Variants in ABCC6 observed in about 807,000 individuals in gnomAD.
The protein encoded by ABCC6 is ATP-binding cassette sub-family C member 6.
A neutral mutation model predicts 169.5 loss-of-function variants in ABCC6; 126 were observed. The observed-to-expected ratio is 0.74, with a 90% CI of 0.64 to 0.86. The LOEUF (loss-of-function observed/expected upper bound fraction) is 0.86. Ranked by LOEUF, ABCC6 falls within the 40% of genes least tolerant of loss-of-function variation. The probability of loss-of-function intolerance (pLI) is 0.00; values close to 1 mark genes in which losing one functional copy is unlikely to be tolerated. For missense variants in ABCC6, 1,733 were observed against 1,927.2 expected (o/e 0.90, Z 1.89); for synonymous variants, 752 against 814.7 (o/e 0.92, Z 1.31).
intron 29 of ABCC6, among the ~76,000 whole-genome samples, chr16:16,151,867 T>G (rs2046393350): frequency 6.6e-6 from 1 of 151,976 alleles, no homozygotes; most frequent in African/African-American, 2.4e-5. Context: ...AATGGATCCG[T>G]CCTCGCTGAA....
chr16:16,210,865 G>T (rs2048587409), intron 6 of ABCC6, among the ~76,000 whole-genome samples: 1 of 152,144 alleles, frequency 6.6e-6, no homozygotes, highest in Admixed American at 6.6e-5. Flanking sequence ...AGGTCGAGTG[G>T]GGTAGATCAC....
rs2046351649 is a variant in ABCC6 at position 16,150,337 on chromosome 16, A to T, written c.4404-96T>A. The T allele has an allele frequency of 1.9e-6, 3 of 1,580,446 alleles. No individual in the cohort carries two copies. In the East Asian group the frequency reaches 6.9e-5, roughly 36 times the overall value. On this transcript the variant is annotated intron_variant, in intron 30 of 30. Coordinates refer to ENST00000205557, the MANE Select transcript of ABCC6 (RefSeq NM_001171.6). ...GTGTGTCTGCGCTGAGGTTTTCTCC[A>T]TAGAAGTCCTGCTTTCCATGCGGCT...
chr16:16,163,233 G>A (rs2152224816), intron 23 of ABCC6, 41 bp from the exon 24 acceptor site: 4 of 1,589,302 alleles, frequency 2.5e-6, no homozygotes, highest in Non-Finnish European at 3.4e-6. Context: ...AGAAGCCACA[G>A]ACATAGAGAG....
At chr16:16,189,036 T>G in intron 12 of ABCC6, 62 bp from the exon 13 acceptor site, 9 of 1,590,778 alleles carry the variant, frequency 5.7e-6, no homozygotes, top group Non-Finnish European at 6.9e-6. Context: ...TAGGGCAGCC[T>G]GGGCAAGCTG....
rs976321025 is a variant in ABCC6, at chr16:16,197,308, A to T, written c.1338+713T>A. ...CTACAGAGGAAACTGAGGCCCAGAG[A>T]GGGTGAACTTCCTGCCCAAGGTCAA... On this transcript the variant is annotated intron_variant, in intron 10 of 30. Coordinates refer to ENST00000205557, the MANE Select transcript of ABCC6 (RefSeq NM_001171.6). Among the ~76,000 whole-genome samples, 4 of 152,080 alleles carry T rather than the reference A, an allele frequency of 2.6e-5. No individual in the cohort carries two copies. The South Asian group carries it at 8.3e-4, about 31-fold the overall frequency.
At position 16,189,101 on chromosome 16, in the gene ABCC6, C is replaced by T. The variant is rs570629181; in HGVS notation, c.1636-127G>A. The T allele has an allele frequency of 4.8e-5, 52 of 1,087,078 alleles. No homozygotes were observed. In the African/African-American group the frequency reaches 6.1e-4, roughly 13 times the overall value. The allele number at this position is 1,087,078 out of a possible 1,614,324, so 67.3% of individuals were successfully genotyped here. On this transcript the variant is annotated intron_variant, in intron 12 of 30. Transcript: ENST00000205557. ...CGCCATGTCCGCATGTGCTTCCCTC[C>T]GTAGATCCCACTCCCAGTCCTGCTA...
Position 16,173,290 on chromosome 16 carries a change from G to A in ABCC6, c.2781C>T (p.Tyr927=), listed in dbSNP as rs61731973. The A allele has an allele frequency of 5.7e-4, 927 of 1,613,970 alleles. 3 individuals are homozygous for A. The highest frequency in any genetic ancestry group is 5.4e-3 in the African/African-American group (407 of 75,002). The part of the protein sequence containing the change: ...GWPAGKDSIQ[Y]GRVKATVHLA... ...GGGTGAAGCTGGTGGTTACCCTGCCGTATTGGATGCTGTCCTTTCCTGCTG... is the reference window on the plus strand; with the variant it reads ...GGGTGAAGCTGGTGGTTACCCTGCCATATTGGATGCTGTCCTTTCCTGCTG... Residue 927 remains tyrosine (Y), a synonymous_variant, in exon 21 of 31, where the codon TAC becomes TAT. Transcript: ENST00000205557.
chr16:16,178,878 G>T lies in ABCC6; in HGVS notation c.2335C>A (p.Pro779Thr), dbSNP rs1419792820. The T allele has an allele frequency of 2.5e-6, 4 of 1,613,906 alleles. No individual in the cohort carries two copies. The highest frequency in any genetic ancestry group is 3.3e-5 in the Admixed American group (2 of 60,020). Residue 779 changes from proline to threonine, a missense_variant, in exon 18 of 31, where the codon CCC (proline) becomes ACC (threonine). Around this residue, in one of 5 missense-constraint regions of ABCC6, gnomAD observed 1,601 missense variants for 1,635.5 expected, o/e 0.98. Coordinates refer to ENST00000205557, the MANE Select transcript of ABCC6 (RefSeq NM_001171.6). ...ACGTGGGCATCCAGGGCCGCCAGGGGGTCATCCAGCAGGTACACAGCTGCC... is the reference window on the plus strand; with the variant it reads ...ACGTGGGCATCCAGGGCCGCCAGGGTGTCATCCAGCAGGTACACAGCTGCC... ...RKAAVYLLDD[P>T]LAALDAHVGQ...
intron 17 of ABCC6, chr16:16,181,943 C>CA (rs559833336): frequency 3.9e-4 from 92 of 235,166 alleles, no homozygotes; most frequent in African/African-American, 2.0e-3. Context: ...CAAAACAAAA[C>CA]AAAAAACAAA....
At chr16:16,204,084 T>C (rs1596720658) in intron 7 of ABCC6, among the ~76,000 whole-genome samples, 1 of 151,442 alleles carries the variant, frequency 6.6e-6, no homozygotes, top group South Asian at 2.1e-4. Context: ...TGAGACGAAG[T>C]CTTGCTCTGT....
Position 16,203,492 on chromosome 16 carries a change from C to T in ABCC6, c.916G>A (p.Val306Met), listed in dbSNP as rs775152691. Residue 306 changes from valine to methionine, a missense_variant, in exon 8 of 31, where the codon GTG becomes ATG. Val to Met is a conservative substitution (Grantham distance 21). Coordinates refer to ENST00000205557, the MANE Select transcript of ABCC6 (RefSeq NM_001171.6). ...WRPLLKAIWQ[V>M]FHSTFLLGTL... ...CCCAGGAGGAAGGTAGAATGGAACA[C>T]CTGCCAGATGGCCTTCAGCAGTGGG... The T allele has an allele frequency of 3.1e-6, 5 of 1,614,006 alleles. No homozygotes were observed. Among genetic ancestry groups the T allele is most frequent in the South Asian group, 2.2e-5 (2 of 91,072 alleles).
chr16:16,149,838 T>C lies in ABCC6; in HGVS notation c.*295A>G. 1.9e-6 allele frequency: 1 copy of C among 514,980 alleles called. No individual in the cohort carries two copies. The highest frequency in any genetic ancestry group is 3.5e-6 in the Non-Finnish European group (1 of 281,816). 31.9% of individuals were successfully genotyped at this position (514,980 alleles called of 1,614,324 possible). Reference sequence around the variant, plus strand: ...CTAGCCGGGAGCCTGGGCATGTGCTTGAGGCCCCCAGGTGAGTCCAGAGTA... The same window carrying C: ...CTAGCCGGGAGCCTGGGCATGTGCTCGAGGCCCCCAGGTGAGTCCAGAGTA... On this transcript the variant is annotated 3_prime_UTR_variant, in exon 31 of 31. Transcript: ENST00000205557.
At position 16,175,927 on chromosome 16, in the gene ABCC6, C is replaced by T. The variant is rs138049574; in HGVS notation, c.2650G>A (p.Glu884Lys). Residue 884 changes from glutamate (E) to lysine (K), a missense_variant, in exon 20 of 31, where the codon GAG becomes AAG. Physicochemically the swap from Glu to Lys is moderately conservative, Grantham distance 56. This residue lies in a region of ABCC6 where 1,601 missense variants were observed against 1,635.5 expected (regional missense o/e 0.98). Transcript: ENST00000205557. ...TGGACTCACCTCTCGCGTCTAAGCT[C>T]GGGCCTCCTGCCTGCAGAGGTGCCT... Reference protein sequence around the residue: ...PRGTSAGRRPELRRERSIKSV... With the variant: ...PRGTSAGRRPKLRRERSIKSV... The T allele has an allele frequency of 3.0e-5, 48 of 1,613,982 alleles. No homozygotes were observed. The highest frequency in any genetic ancestry group is 3.5e-5 in the Non-Finnish European group (41 of 1,180,030).
intron 4 of ABCC6, among the ~76,000 whole-genome samples, chr16:16,217,518 T>C (rs2048922697): frequency 6.6e-6 from 1 of 152,092 alleles, no homozygotes; most frequent in South Asian, 2.1e-4. Flanking sequence ...GAGACCAGCC[T>C]TGGGAACATA....
chr16:16,163,134 GA>G lies in ABCC6; in HGVS notation c.3364del (p.Ser1122LeufsTer33), dbSNP rs72664232. ...LRRLESASYS[S>X]VCSHMAETFQ... Reference sequence around the variant, plus strand: ...CGTCTCAGCCATGTGGGAGCAGACAGACGAGTAGCTGGCTGACTCCAAGCGT... The same window carrying G: ...CGTCTCAGCCATGTGGGAGCAGACAGCGAGTAGCTGGCTGACTCCAAGCGT... On this transcript the variant is annotated frameshift_variant, in exon 24 of 31. Transcript: ENST00000205557. LOFTEE classifies it high-confidence loss of function. 3 of 1,613,736 alleles carry G rather than the reference GA, an allele frequency of 1.9e-6. No individual in the cohort carries two copies. The highest frequency in any genetic ancestry group is 2.5e-6 in the Non-Finnish European group (3 of 1,180,050).
rs1441381135 is a variant in ABCC6, at chr16:16,165,606, C to T, written c.3306+17G>A. 4.3e-6 allele frequency: 7 copies of T among 1,612,762 alleles called. No individual in the cohort carries two copies. The highest frequency in any genetic ancestry group is 5.9e-6 in the Non-Finnish European group (7 of 1,179,994). On this transcript the variant is annotated intron_variant, in intron 23 of 30. Transcript: ENST00000205557. The stretch of plus-strand genomic sequence containing the variant: ...TGACCTCAGCCGGTCCCGGAAGCCT[C>T]CCTGACCTCTCCGTACCTGAAACCC...
At chr16:16,176,830 A>G (rs1231759473) in intron 19 of ABCC6, among the ~76,000 whole-genome samples, 1 of 152,216 alleles carries the variant, frequency 6.6e-6, no homozygotes, top group Non-Finnish European at 1.5e-5. Context: ...CTCATCTGTG[A>G]AATGGAAATG....
chr16:16,172,690 C>T (rs996861644), intron 21 of ABCC6, among the ~76,000 whole-genome samples: 1 of 152,040 alleles, frequency 6.6e-6, no homozygotes, highest in African/African-American at 2.4e-5. Flanking sequence ...AGATTTGAGT[C>T]CCAGGTTGTG....
chr16:16,177,830 C>G (rs748843353), intron 18 of ABCC6, among the ~76,000 whole-genome samples: 9 of 152,008 alleles, frequency 5.9e-5, no homozygotes, highest in Non-Finnish European at 1.3e-4. Context: ...GTAGTCTCAG[C>G]TACTTTGGAG....
Sources: allele counts gnomAD v4.1 joint callset (sites outside exome capture counted in the v4.1 genomes callset), GRCh38; gene constraint gnomAD v4.1.1; regional missense constraint gnomAD v4.1.1; transcripts MANE v1.5; gene names NCBI Gene and HGNC (gene_info 2026-07-23, HGNC 2026-07-21).